The following BICC1 variants were observed in gnomAD, a reference collection of about 807,000 sequenced individuals.
BICC1 encodes the protein BicC family RNA binding protein 1.
A neutral mutation model predicts 111.0 loss-of-function variants in BICC1; 43 were observed. The observed-to-expected ratio is 0.39, with a 90% CI of 0.30 to 0.50. The LOEUF (loss-of-function observed/expected upper bound fraction) is 0.50, where lower values mean the gene tolerates loss of function less well. Among genes scored for constraint, BICC1 ranks in the 20% least tolerant of loss-of-function variants. BICC1 has a pLI of 0.88. For missense variants in BICC1, 1,091 were observed against 1,203.2 expected (o/e 0.91, Z 1.38); for synonymous variants, 467 against 434.4 (o/e 1.07, Z -0.93).
chr10:58,652,805 A>G (rs1003904493), intron 2 of BICC1, among the ~76,000 whole-genome samples: 2 of 152,028 alleles, frequency 1.3e-5, no homozygotes, highest in Non-Finnish European at 2.9e-5. Context: ...GAACTCTTAA[A>G]CTTATCTTAC....
chr10:58,706,937 C>T (rs1299714264), intron 3 of BICC1, among the ~76,000 whole-genome samples: 1 of 152,126 alleles, frequency 6.6e-6, no homozygotes, highest in Non-Finnish European at 1.5e-5. Context: ...TTTCAAATAA[C>T]TGAGGTCAGC....
At position 58,534,935 on chromosome 10, in the gene BICC1, G is replaced by A. The variant is rs1478933971; in HGVS notation, c.190+21602G>A. Among the ~76,000 whole-genome samples, 3 of 151,210 alleles carry A rather than the reference G, an allele frequency of 2.0e-5. No homozygotes were observed. The East Asian group carries it at 5.8e-4, about 29-fold the overall frequency. On this transcript the variant is annotated intron_variant, in intron 1 of 20. Transcript: ENST00000373886. ...TTCCAGAAATGAAAGACACACTTAGGGTACTACAAAATGCAGTGGAAAGTG... is the reference window on the plus strand; with the variant it reads ...TTCCAGAAATGAAAGACACACTTAGAGTACTACAAAATGCAGTGGAAAGTG...
chr10:58,719,648 T>C (rs571922159), intron 3 of BICC1, among the ~76,000 whole-genome samples: 6 of 152,322 alleles, frequency 3.9e-5, no homozygotes, highest in South Asian at 4.1e-4. Context: ...ATTTGCCTTT[T>C]CTTTGGACTT....
intron 3 of BICC1, among the ~76,000 whole-genome samples, chr10:58,732,780 T>TCA (rs1038598815): frequency 1.2e-4 from 18 of 151,626 alleles, no homozygotes; most frequent in Non-Finnish European, 7.4e-5. Context: ...AGACCTTGCC[T>TCA]CACACACACA....
intron 12 of BICC1, 125 bp from the exon 13 acceptor site, chr10:58,800,069 C>T: frequency 3.1e-6 from 2 of 644,974 alleles, no homozygotes; most frequent in East Asian, 2.8e-5. Flanking sequence ...ATTTCATCTC[C>T]TTAGTTAGAA....
Position 58,807,499 on chromosome 10 carries a change from A to G in BICC1, c.2376+341A>G, listed in dbSNP as rs138402153. Among the ~76,000 whole-genome samples the G allele has an allele frequency of 1.6e-3, 249 of 152,292 alleles. 1 individual carries two copies. Among genetic ancestry groups the G allele is most frequent in the African/African-American group, 5.7e-3 (239 of 41,572 alleles). ...TTCATAAAAATGTCTAAAGAGTCCT[A>G]TTATCCAAGGGTTTCACTAGCAAGG... On this transcript the variant is annotated intron_variant, in intron 17 of 20. Transcript: ENST00000373886.
At chr10:58,794,006 A>G (rs765573845) in intron 9 of BICC1, among the ~76,000 whole-genome samples, 1 of 152,046 alleles carries the variant, frequency 6.6e-6, no homozygotes, top group Non-Finnish European at 1.5e-5. Flanking sequence ...ATAGATCATC[A>G]TTTTCTTTAT....
At chr10:58,771,633 A>T (rs553762596) in intron 3 of BICC1, among the ~76,000 whole-genome samples, 1 of 152,320 alleles carries the variant, frequency 6.6e-6, no homozygotes, top group East Asian at 1.9e-4. Context: ...TACAGTATCC[A>T]GTGGTTTCAG....
chr10:58,564,339 G>C (rs964209241), intron 1 of BICC1, among the ~76,000 whole-genome samples: 2 of 152,178 alleles, frequency 1.3e-5, no homozygotes, highest in East Asian at 3.9e-4. Context: ...CATGGTGTCT[G>C]AACCAGTGGG....
chr10:58,522,167 A>C (rs532095810), intron 1 of BICC1, among the ~76,000 whole-genome samples: 4 of 151,922 alleles, frequency 2.6e-5, no homozygotes, highest in Admixed American at 2.6e-4. Context: ...GCGGAGGGCA[A>C]TATTGTCATA....
At chr10:58,797,154 G>A (rs552854821) in intron 10 of BICC1, among the ~76,000 whole-genome samples, 1 of 152,244 alleles carries the variant, frequency 6.6e-6, no homozygotes, top group East Asian at 1.9e-4. Flanking sequence ...CCTCATCTAT[G>A]GATTGCTATT....
At chr10:58,537,658 G>C (rs1842858055) in intron 1 of BICC1, among the ~76,000 whole-genome samples, 1 of 151,408 alleles carries the variant, frequency 6.6e-6, no homozygotes, top group African/African-American at 2.4e-5. Context: ...GAGAAATAAA[G>C]GGCATCCAAA....
rs1842137165 is a variant in BICC1 at position 58,513,049 on chromosome 10, G to A, written c.-95G>A. The A allele has an allele frequency of 1.0e-6, 1 of 991,956 alleles. No individual in the cohort carries two copies. The highest frequency in any genetic ancestry group is 4.6e-5 in the Admixed American group (1 of 21,880). The allele number at this position is 991,956 out of a possible 1,614,324, so 61.4% of individuals were successfully genotyped here. A position where few individuals can be genotyped will look rare whatever the true frequency, so the allele number is the denominator to read the frequency against. ...CTGCAGGGGGACGAGCTAGCGCCGC[G>A]GCGCTGGGAGCCAGTTGAGCCCGGC... On this transcript the variant is annotated 5_prime_UTR_variant, in exon 1 of 21. Coordinates refer to ENST00000373886, the MANE Select transcript of BICC1 (RefSeq NM_001080512.3).
intron 2 of BICC1, among the ~76,000 whole-genome samples, chr10:58,685,184 G>C (rs1187790876): frequency 6.6e-6 from 1 of 152,202 alleles, no homozygotes; most frequent in African/African-American, 2.4e-5. Flanking sequence ...GGGGTTTTGA[G>C]TGAGTTTCTT....
At chr10:58,534,055 G>A (rs536217018) in intron 1 of BICC1, among the ~76,000 whole-genome samples, 10 of 151,830 alleles carry the variant, frequency 6.6e-5, no homozygotes, top group East Asian at 1.9e-4. Flanking sequence ...GGACATACTC[G>A]GGCTGAAAGT....
intron 3 of BICC1, among the ~76,000 whole-genome samples, chr10:58,723,257 T>C (rs1012960965): frequency 3.9e-5 from 6 of 152,180 alleles, no homozygotes; most frequent in Middle Eastern, 3.4e-3. Flanking sequence ...CTGGAGAAAA[T>C]TCAGTGTAAA....
intron 1 of BICC1, among the ~76,000 whole-genome samples, chr10:58,556,433 G>A (rs1314627470): frequency 6.6e-6 from 1 of 152,044 alleles, no homozygotes; most frequent in African/African-American, 2.4e-5. Flanking sequence ...GAGTATGAAG[G>A]AGAAAAGAAA....
intron 1 of BICC1, among the ~76,000 whole-genome samples, chr10:58,552,781 A>G (rs2131920403): frequency 6.6e-6 from 1 of 152,236 alleles, no homozygotes; most frequent in East Asian, 1.9e-4. Flanking sequence ...TGAACACTAG[A>G]TTGGTGGTGA....
chr10:58,525,321 C>T (rs1447624332), intron 1 of BICC1, among the ~76,000 whole-genome samples: 1 of 115,674 alleles, frequency 8.6e-6, no homozygotes, highest in African/African-American at 2.7e-5. Context: ...CCCAAATGTC[C>T]ATCAATGATA....
Sources: allele counts gnomAD v4.1 joint callset (sites outside exome capture counted in the v4.1 genomes callset), GRCh38; gene constraint gnomAD v4.1.1; transcripts MANE v1.5; gene names NCBI Gene and HGNC (gene_info 2026-07-23, HGNC 2026-07-21).